Variants in DYM observed in about 807,000 individuals in gnomAD.
DYM encodes the protein dymeclin.
Under a neutral mutation model 93.1 loss-of-function variants are expected in DYM, and 78 were observed. The ratio of observed to expected loss-of-function variants is 0.84; its 90% CI spans 0.70 to 1.01. The LOEUF is 1.01. DYM is among the 50% of genes least tolerant of loss of function. The pLI is 0.00. For synonymous variants in DYM, 321 were observed against 319.7 expected, an observed-to-expected ratio of 1.00 and a Z score of -0.04; for missense variants, 789 against 845.0, an observed-to-expected ratio of 0.93 and a Z score of 0.82.
chr18:49,111,279 C>T (rs763248678), intron 16 of DYM, among the ~76,000 whole-genome samples: 1 of 152,036 alleles, frequency 6.6e-6, no homozygotes, highest in Non-Finnish European at 1.5e-5. Context: ...CTGCATTTGC[C>T]TGATGGGTCC....
At chr18:49,050,400 A>G (rs566067188) in intron 17 of DYM, among the ~76,000 whole-genome samples, 7 of 152,230 alleles carry the variant, frequency 4.6e-5, no homozygotes, top group Non-Finnish European at 8.8e-5. Flanking sequence ...CCAGAGGGGT[A>G]ACTTCTACAG....
At chr18:49,444,266 G>A (rs1168279446) in intron 1 of DYM, among the ~76,000 whole-genome samples, 1 of 152,086 alleles carries the variant, frequency 6.6e-6, no homozygotes, top group Non-Finnish European at 1.5e-5. Flanking sequence ...TAAATATCCT[G>A]ACGCGTCCTG....
At position 49,420,849 on chromosome 18, in the gene DYM, A is replaced by C. The variant is rs146806347; in HGVS notation, c.140+9406T>G. ...TTTTCCAACAATCTTAGCAAACGGC[A>C]CATCAGGAGATTATATCCCACGCCT... On this transcript the variant is annotated intron_variant, in intron 2 of 17. Transcript: ENST00000675505. 6.0e-3 allele frequency among the ~76,000 whole-genome samples: 907 copies of C among 152,240 alleles called. 10 individuals are homozygous for C. Among genetic ancestry groups the C allele is most frequent in the African/African-American group, 0.02 (847 of 41,556 alleles).
At chr18:49,314,281 T>C (rs2061787259) in intron 8 of DYM, among the ~76,000 whole-genome samples, 2 of 152,348 alleles carry the variant, frequency 1.3e-5, no homozygotes, top group South Asian at 4.1e-4. Context: ...CTCAACATTG[T>C]GCTGTAAGAG....
intron 14 of DYM, among the ~76,000 whole-genome samples, chr18:49,192,857 C>G (rs1036936377): frequency 6.6e-6 from 1 of 152,004 alleles, no homozygotes; most frequent in African/African-American, 2.4e-5. Context: ...AACGACTAAA[C>G]TCATAGAAGT....
chr18:49,305,721 G>T (rs186912230), intron 8 of DYM, among the ~76,000 whole-genome samples: 12 of 151,916 alleles, frequency 7.9e-5, no homozygotes. Flanking sequence ...AAAAATTTCC[G>T]ATCAAAAACA....
At chr18:49,352,643 C>T (rs1249540793) in intron 6 of DYM, among the ~76,000 whole-genome samples, 1 of 152,084 alleles carries the variant, frequency 6.6e-6, no homozygotes, top group Non-Finnish European at 1.5e-5. Flanking sequence ...ACTCATAGAA[C>T]TGAACAATAG....
At chr18:49,104,372 A>C (rs915403502) in intron 16 of DYM, among the ~76,000 whole-genome samples, 1 of 152,140 alleles carries the variant, frequency 6.6e-6, no homozygotes, top group Admixed American at 6.6e-5. Context: ...GGACAATTTG[A>C]CTTCCTCTTT....
At chr18:49,391,454 G>A in intron 3 of DYM, 139 bp downstream of exon 3, 2 of 868,456 alleles carry the variant, frequency 2.3e-6, no homozygotes, top group South Asian at 2.8e-5. Context: ...AGCAGCATCT[G>A]TGAATGCCAC....
chr18:49,460,024 TTC>T (rs1258645577), intron 1 of DYM, among the ~76,000 whole-genome samples: 1 of 152,198 alleles, frequency 6.6e-6, no homozygotes, highest in African/African-American at 2.4e-5. Flanking sequence ...AGGGTTAATT[TTC>T]TGATATGTTA....
chr18:49,217,479 A>C (rs530380458), intron 13 of DYM, among the ~76,000 whole-genome samples: 21 of 152,288 alleles, frequency 1.4e-4, no homozygotes, highest in African/African-American at 4.8e-4. Flanking sequence ...GAAATGAAGG[A>C]AAAAATGTTA....
chr18:49,394,202 A>G (rs2069751319), intron 2 of DYM, among the ~76,000 whole-genome samples: 3 of 152,188 alleles, frequency 2.0e-5, no homozygotes, highest in Admixed American at 1.3e-4. Context: ...TACTTACTAG[A>G]TAGTTGAGCT....
At chr18:49,337,599 T>C (rs1374119876) in intron 6 of DYM, among the ~76,000 whole-genome samples, 1 of 151,910 alleles carries the variant, frequency 6.6e-6, no homozygotes, top group African/African-American at 2.4e-5. Flanking sequence ...TGACAAGAGA[T>C]TGAGAACATC....
intron 6 of DYM, among the ~76,000 whole-genome samples, chr18:49,340,379 C>T (rs1177100528): frequency 6.6e-6 from 1 of 152,038 alleles, no homozygotes; most frequent in African/African-American, 2.4e-5. Flanking sequence ...ATTCTATTTA[C>T]ATACATTAAA....
intron 6 of DYM, among the ~76,000 whole-genome samples, chr18:49,341,491 CAAAAAAAAAAAA>C (rs10578063): frequency 1.5e-5 from 1 of 64,920 alleles, no homozygotes; most frequent in Non-Finnish European, 2.7e-5. Context: ...GACTCCATCG[CAAAAAAAAAAAA>C]AAAAAAAAAA....
At chr18:49,204,954 A>ATATT (rs1236797340) in intron 14 of DYM, among the ~76,000 whole-genome samples, 2 of 152,206 alleles carry the variant, frequency 1.3e-5, no homozygotes, top group Non-Finnish European at 1.5e-5. Flanking sequence ...TACATTACAT[A>ATATT]TATTTATTTG....
At position 49,039,632 on chromosome 18, in the gene DYM, C is replaced by G. The variant is rs1331867842; in HGVS notation, c.*4423G>C. 6.6e-6 allele frequency among the ~76,000 whole-genome samples: 1 copy of G among 151,898 alleles called. No individual in the cohort carries two copies. Among genetic ancestry groups the G allele is most frequent in the African/African-American group, 2.4e-5 (1 of 41,332 alleles). On this transcript the variant is annotated 3_prime_UTR_variant, in exon 18 of 18. Transcript: ENST00000675505. The stretch of plus-strand genomic sequence containing the variant: ...ATATAATTCCTGCTCCCACCCCTCA[C>G]CCTCAATTTTTCATCTTACTCATTC...
intron 17 of DYM, among the ~76,000 whole-genome samples, chr18:49,071,900 T>C (rs913182263): frequency 2.6e-5 from 4 of 152,226 alleles, no homozygotes; most frequent in Non-Finnish European, 5.9e-5. Flanking sequence ...CTACTGCTAC[T>C]GCTATCAATT....
intron 15 of DYM, among the ~76,000 whole-genome samples, chr18:49,160,665 G>C (rs1048477317): frequency 6.6e-6 from 1 of 151,944 alleles, no homozygotes; most frequent in Non-Finnish European, 1.5e-5. Flanking sequence ...CCAACAAGTG[G>C]TTTAAAGCAT....
Sources: gnomAD v4.1 joint callset for allele counts (sites outside exome capture counted in the v4.1 genomes callset) on GRCh38, gnomAD v4.1.1 for gene constraint, MANE v1.5 for transcripts, NCBI Gene and HGNC (gene_info 2026-07-23, HGNC 2026-07-21) for gene names.